Variants in RAB11FIP3 observed in about 807,000 individuals in gnomAD.
RAB11FIP3 encodes the protein RAB11 family interacting protein 3, also known as rab11 family-interacting protein 3.
RAB11FIP3 carries 17 observed loss-of-function variants against 77.8 expected under a neutral mutation model. That is an observed-to-expected ratio of 0.22 (90% CI 0.15 to 0.33). RAB11FIP3 has a LOEUF of 0.33. Ranked by LOEUF, RAB11FIP3 falls within the 10% of genes least tolerant of loss-of-function variation. RAB11FIP3 has a pLI of 1.00. For synonymous variants in RAB11FIP3, 437 were observed against 448.2 expected (o/e 0.98, Z 0.31); for missense variants, 1,005 against 1,011.2 (o/e 0.99, Z 0.08).
intron 1 of RAB11FIP3, among the ~76,000 whole-genome samples, chr16:450,874 C>A (rs1000091388): frequency 2.2e-5 from 3 of 134,136 alleles, no homozygotes; most frequent in African/African-American, 8.0e-5. Flanking sequence ...GAGCTGCTCA[C>A]CTTCCCCTCG....
chr16:504,018 CCTCCTGTACCCCCTCACTA>C, intron 7 of RAB11FIP3, among the ~76,000 whole-genome samples: 1 of 74,098 alleles, frequency 1.3e-5, no homozygotes, highest in Non-Finnish European at 2.7e-5. Flanking sequence ...CCCCTCACTA[CCTCCTGTACCCCCTCACTA>C]CCTCCTGTAC....
chr16:502,771 G>A, intron 6 of RAB11FIP3: 1 of 560,184 alleles, frequency 1.8e-6, no homozygotes, highest in Non-Finnish European at 3.1e-6. Context: ...AAGACTCTGA[G>A]ACCACAGAGC....
In RAB11FIP3 at chr16:461,616, C is replaced by A; in HGVS notation, c.808+119C>A. On this transcript the variant is annotated intron_variant, in intron 2 of 13. Transcript: ENST00000262305. The surrounding 1 kb of genome is among the most constrained non-coding windows in gnomAD (Gnocchi z 4.5). ...CTAACATCTTTCCTTCTCCTTGAAG[C>A]CCCCAACATACCCCAGGTTTCCAGG... 1.3e-6 allele frequency: 1 copy of A among 767,834 alleles called. No individual in the cohort carries two copies. The allele number at this position is 767,834 out of a possible 1,614,324, so 47.6% of individuals were successfully genotyped here.
chr16:440,139 G>A (rs900233371), intron 1 of RAB11FIP3, among the ~76,000 whole-genome samples: 1 of 150,556 alleles, frequency 6.6e-6, no homozygotes, highest in East Asian at 2.0e-4. Flanking sequence ...CACCGCGCCC[G>A]GCCTTCTTGG....
In RAB11FIP3 at chr16:518,733, A is replaced by C. The variant is rs76541343; in HGVS notation, c.1641-210A>C. Among the ~76,000 whole-genome samples the C allele has an allele frequency of 7.9e-5, 12 of 151,442 alleles. No individual in the cohort carries two copies. In the East Asian group the frequency reaches 9.7e-4, roughly 12 times the overall value. On this transcript the variant is annotated intron_variant, in intron 9 of 13. Coordinates refer to ENST00000262305, the MANE Select transcript of RAB11FIP3 (RefSeq NM_014700.4). Reference sequence around the variant, plus strand: ...GAGTGCGACTCTGCCTCAAGAAAAAAATAAAAAAATAATACTAAAACCTTC... The same window carrying C: ...GAGTGCGACTCTGCCTCAAGAAAAACATAAAAAAATAATACTAAAACCTTC...
chr16:490,848 C>T (rs1310117915), intron 5 of RAB11FIP3, among the ~76,000 whole-genome samples: 3 of 152,220 alleles, frequency 2.0e-5, no homozygotes, highest in Non-Finnish European at 4.4e-5. Flanking sequence ...AGGAGGCTCT[C>T]AGGCTGCCCC....
Position 457,511 on chromosome 16 carries a change from C to CTT in RAB11FIP3, c.715-3879_715-3878dup, listed in dbSNP as rs35462064. On this transcript the variant is annotated intron_variant, in intron 1 of 13. Transcript: ENST00000262305. ...GCTGTCTCATTTTTCACAGTTTCAC[C>CTT]TTTTTTTTTTTTTTTGAAAGCCTCT... 1.3e-3 allele frequency among the ~76,000 whole-genome samples: 187 copies of CTT among 139,060 alleles called. 2 individuals are homozygous for CTT. The highest frequency in any genetic ancestry group is 6.0e-3 in the Admixed American group (82 of 13,760). 91.2% of individuals were successfully genotyped at this position (139,060 alleles called of 152,430 possible). A position where few individuals can be genotyped will look rare whatever the true frequency, so the allele number is the denominator to read the frequency against.
Position 426,677 on chromosome 16 carries a change from T to A in RAB11FIP3, c.671T>A (p.Ile224Asn). 1 of 1,542,014 alleles carries A rather than the reference T, an allele frequency of 6.5e-7. No individual in the cohort carries two copies. The highest frequency in any genetic ancestry group is 8.7e-7 in the Non-Finnish European group (1 of 1,145,162). Residue 224 changes from isoleucine to asparagine, a missense_variant, in exon 1 of 14, where the codon ATC (isoleucine) becomes AAC (asparagine). Transcript: ENST00000262305. This position sits in a 1 kb window ranked among gnomAD's most constrained non-coding sequence, Gnocchi z 5.0. ...LDGDGDGFVRIEDFIQFATVY... is the reference protein window; with the variant it reads ...LDGDGDGFVRNEDFIQFATVY... ...GGGGATGGGGACGGTTTCGTCCGCA[T>A]CGAGGACTTCATCCAGTTTGCTACG...
At chr16:484,478 G>A (rs1245352646) in intron 4 of RAB11FIP3, among the ~76,000 whole-genome samples, 1 of 151,942 alleles carries the variant, frequency 6.6e-6, no homozygotes, top group African/African-American at 2.4e-5. Flanking sequence ...CAGCCTCCCG[G>A]GTAGCTGGGA....
At chr16:502,105 T>G (rs532208449) in intron 6 of RAB11FIP3, among the ~76,000 whole-genome samples, 8 of 152,366 alleles carry the variant, frequency 5.3e-5, no homozygotes, top group African/African-American at 1.7e-4. Flanking sequence ...GTTCCCAGGA[T>G]GTATAAAGAA....
intron 3 of RAB11FIP3, among the ~76,000 whole-genome samples, chr16:481,174 G>C (rs1567382125): frequency 6.6e-6 from 1 of 151,994 alleles, no homozygotes; most frequent in Non-Finnish European, 1.5e-5. Flanking sequence ...TTGGAGCACA[G>C]TGGTGTGATC....
chr16:483,528 C>T (rs1426657156), intron 4 of RAB11FIP3, among the ~76,000 whole-genome samples: 2 of 152,290 alleles, frequency 1.3e-5, no homozygotes, highest in East Asian at 3.9e-4. Flanking sequence ...AGTGTAGCAT[C>T]ACATGACAGG....
chr16:514,359 T>C lies in RAB11FIP3; in HGVS notation c.1640+3559T>C, dbSNP rs572722543. Among the ~76,000 whole-genome samples, 20 of 152,122 alleles carry C rather than the reference T, an allele frequency of 1.3e-4. No individual in the cohort carries two copies. The highest frequency in any genetic ancestry group is 2.1e-4 in the Non-Finnish European group (14 of 68,020). On this transcript the variant is annotated intron_variant, in intron 9 of 13. Transcript: ENST00000262305. The surrounding 1 kb of genome is among the most constrained non-coding windows in gnomAD (Gnocchi z 4.6). The stretch of plus-strand genomic sequence containing the variant: ...AAGACCCTGGTCAGTGCAAAGACAC[T>C]GTCTCAGTCCGGGGTCCTCAGGAGC...
chr16:500,674 C>T (rs1463009686), intron 6 of RAB11FIP3, among the ~76,000 whole-genome samples: 1 of 97,758 alleles, frequency 1.0e-5, no homozygotes, highest in Admixed American at 1.7e-4. Context: ...GGTGACAGTG[C>T]AAGACTCTGT....
intron 1 of RAB11FIP3, among the ~76,000 whole-genome samples, chr16:443,644 C>A (rs2055262349): frequency 6.6e-6 from 1 of 152,192 alleles, no homozygotes; most frequent in Admixed American, 6.5e-5. Flanking sequence ...TGGCTCACTG[C>A]AACCTCTGCC....
chr16:490,980 A>C (rs1442730573), intron 5 of RAB11FIP3, among the ~76,000 whole-genome samples: 1 of 152,210 alleles, frequency 6.6e-6, no homozygotes, highest in Non-Finnish European at 1.5e-5. Context: ...TGCGGTCTAA[A>C]GGCAAGAGCC....
chr16:497,065 C>A, intron 6 of RAB11FIP3: 1 of 603,360 alleles, frequency 1.7e-6, no homozygotes, highest in Non-Finnish European at 2.7e-6. Flanking sequence ...GATTTGTGAC[C>A]AGGGAGGGTA....
intron 4 of RAB11FIP3, among the ~76,000 whole-genome samples, chr16:483,896 C>T (rs1489695258): frequency 1.3e-5 from 2 of 152,058 alleles, no homozygotes; most frequent in Non-Finnish European, 1.5e-5. Flanking sequence ...CCTGGAAGCC[C>T]GCCCGTCCCC....
In RAB11FIP3 at chr16:505,137, G is replaced by A. The variant is rs553856801; in HGVS notation, c.1396-387G>A. 1.9e-3 allele frequency among the ~76,000 whole-genome samples: 293 copies of A among 151,576 alleles called. No homozygotes were observed. Among genetic ancestry groups the A allele is most frequent in the Middle Eastern group, 0.017 (5 of 294 alleles). The stretch of plus-strand genomic sequence containing the variant: ...TCTCTGAGGGAGGGACCGAGACATG[G>A]ATCTGTCTGTCCCTTGCATCCATGG... On this transcript the variant is annotated intron_variant, in intron 7 of 13. Transcript: ENST00000262305. The surrounding 1 kb of genome is among the most constrained non-coding windows in gnomAD (Gnocchi z 4.0).
Sources: gnomAD v4.1 joint callset for allele counts (sites outside exome capture counted in the v4.1 genomes callset) on GRCh38, gnomAD v4.1.1 for gene constraint, Gnocchi (gnomAD v3.1) non-coding constraint, MANE v1.5 for transcripts, NCBI Gene and HGNC (gene_info 2026-07-23, HGNC 2026-07-21) for gene names.